COMMD1: variants seen among roughly 807,000 people sequenced by gnomAD.
The protein encoded by COMMD1 is COMM domain-containing protein 1.
COMMD1 carries 10 observed loss-of-function variants against 17.2 expected under a neutral mutation model. The observed-to-expected ratio is 0.58, with a 90% CI of 0.36 to 0.99. The LOEUF (loss-of-function observed/expected upper bound fraction) is 0.99, where lower values mean the gene tolerates loss of function less well. Ranked by LOEUF, COMMD1 falls within the 50% of genes least tolerant of loss-of-function variation. The pLI, the probability that COMMD1 is intolerant of heterozygous loss-of-function variation, is 0.01. For synonymous variants in COMMD1, 97 were observed against 91.6 expected (o/e 1.06, Z -0.34); for missense variants, 270 against 231.8 (o/e 1.17, Z -1.07).
intron 2 of COMMD1, among the ~76,000 whole-genome samples, chr2:62,108,090 C>CA (rs1380466960): frequency 6.6e-6 from 1 of 152,138 alleles, no homozygotes; most frequent in Non-Finnish European, 1.5e-5. Flanking sequence ...TCTTCTCTCC[C>CA]ATCTCTAGCT....
At position 62,016,664 on chromosome 2, in the gene COMMD1, G is replaced by A. The variant is rs571568345; in HGVS notation, c.462+15682G>A. 2.6e-5 allele frequency among the ~76,000 whole-genome samples: 4 copies of A among 152,058 alleles called. No individual in the cohort carries two copies. In the South Asian group the frequency reaches 8.3e-4, roughly 32 times the overall value. ...ATTTGCAAATATTTTCTCCCGGTCT[G>A]GGTTTTCACTCCCCTCCAGATCATA... On this transcript the variant is annotated intron_variant, in intron 2 of 2. Coordinates refer to ENST00000311832, the MANE Select transcript of COMMD1 (RefSeq NM_152516.4).
chr2:61,987,403 C>T (rs940716345), intron 1 of COMMD1, among the ~76,000 whole-genome samples: 2 of 152,092 alleles, frequency 1.3e-5, no homozygotes, highest in African/African-American at 4.8e-5. Flanking sequence ...TAAAGGGCAC[C>T]CCAAGTCCAA....
intron 1 of COMMD1, among the ~76,000 whole-genome samples, chr2:61,943,504 C>T (rs1395632517): frequency 2.0e-5 from 3 of 152,150 alleles, no homozygotes; most frequent in Non-Finnish European, 4.4e-5. Context: ...GTCTCAGTTT[C>T]TCTTTCTGGA....
chr2:61,905,770 C>G lies in COMMD1; in HGVS notation c.92C>G (p.Thr31Arg). 6.2e-7 allele frequency: 1 copy of G among 1,614,176 alleles called. No individual in the cohort carries two copies. Among genetic ancestry groups the G allele is most frequent in the Non-Finnish European group, 8.5e-7 (1 of 1,180,018 alleles). The change falls in exon 1 of 3, where the codon ACA (threonine) becomes AGA (arginine). Residue 31 changes from threonine (T) to arginine (R), a missense_variant. Transcript: ENST00000311832. ...QDTFHGYPGI[T>R]EELLRSQLYP... ...ACTTTCCACGGGTACCCCGGCATCA[C>G]AGAGGAGCTGCTACGGAGCCAGCTA... is the stretch of plus-strand genomic sequence containing the variant.
At chr2:61,995,097 A>ATT (rs1558553201) in intron 1 of COMMD1, among the ~76,000 whole-genome samples, 1 of 26,214 alleles carries the variant, frequency 3.8e-5, no homozygotes, top group African/African-American at 2.6e-4. Context: ...TTCAGCTTAA[A>ATT]ATTTTTTTTT....
chr2:61,938,510 C>T (rs886327597), intron 1 of COMMD1, among the ~76,000 whole-genome samples: 8 of 152,196 alleles, frequency 5.3e-5, no homozygotes, highest in South Asian at 4.1e-4. Context: ...AGGCACTTGA[C>T]CTTTTCCCTT....
chr2:61,929,768 C>G (rs144320511), intron 1 of COMMD1, among the ~76,000 whole-genome samples: 1 of 151,934 alleles, frequency 6.6e-6, no homozygotes, highest in African/African-American at 2.4e-5. Context: ...CTGGTCTTTA[C>G]AAAAAATTAG....
chr2:61,972,095 G>C (rs1027000999), intron 1 of COMMD1, among the ~76,000 whole-genome samples: 2 of 152,062 alleles, frequency 1.3e-5, no homozygotes, highest in African/African-American at 2.4e-5. Context: ...ACGCCAGCCT[G>C]GGTGACAGAA....
At chr2:62,068,893 G>A (rs1333660681) in intron 2 of COMMD1, among the ~76,000 whole-genome samples, 3 of 151,640 alleles carry the variant, frequency 2.0e-5, no homozygotes, top group South Asian at 2.1e-4. Context: ...CACCCGCCTC[G>A]GCCTCCCAAA....
rs573998743 is a variant in COMMD1 at position 62,100,043 on chromosome 2, A to G, written c.463-35788A>G. The G allele has an allele frequency of 3.9e-5, 6 of 152,230 alleles. No homozygotes were observed. The South Asian group carries it at 1.2e-3, about 32-fold the overall frequency. The allele number at this position is 152,230 out of a possible 1,614,324, so 9.4% of individuals were successfully genotyped here. On this transcript the variant is annotated intron_variant, in intron 2 of 2. Coordinates refer to ENST00000311832, the MANE Select transcript of COMMD1 (RefSeq NM_152516.4). ...TTGAGAGAAAAGGCAATGGAGAATG[A>G]CTGTTTTGAATACACCTCTGAAACC...
At chr2:62,039,962 A>G (rs978074164) in intron 2 of COMMD1, among the ~76,000 whole-genome samples, 9 of 152,252 alleles carry the variant, frequency 5.9e-5, no homozygotes, top group Non-Finnish European at 1.0e-4. Context: ...CCATTTGTTA[A>G]GAGTACCGCT....
intron 1 of COMMD1, among the ~76,000 whole-genome samples, chr2:61,931,472 C>T (rs1412491706): frequency 6.6e-6 from 1 of 152,166 alleles, no homozygotes; most frequent in Admixed American, 6.6e-5. Flanking sequence ...TCAGTGGCAG[C>T]CGCCAAAGTT....
intron 2 of COMMD1, among the ~76,000 whole-genome samples, chr2:62,010,677 CTTTTTG>C: frequency 6.6e-6 from 1 of 152,222 alleles, no homozygotes; most frequent in South Asian, 2.1e-4. Flanking sequence ...CAGTTCATAT[CTTTTTG>C]TTTTCTCCTA....
At chr2:61,888,665 C>G (rs570095897), upstream of COMMD1, 7 of 835,224 alleles carry the variant, frequency 8.4e-6, no homozygotes, top group African/African-American at 1.1e-4. Context: ...AGGGGGCCTT[C>G]CTTGCCGCGC....
intron 2 of COMMD1, among the ~76,000 whole-genome samples, chr2:62,131,231 C>A (rs996575588): frequency 1.2e-4 from 19 of 152,180 alleles, no homozygotes; most frequent in Admixed American, 7.2e-4. Context: ...CTGCTGTACT[C>A]CCCAGGATCA....
intron 1 of COMMD1, among the ~76,000 whole-genome samples, chr2:61,925,028 G>T (rs567111353): frequency 1.3e-5 from 2 of 152,154 alleles, no homozygotes; most frequent in African/African-American, 2.4e-5. Flanking sequence ...CAAGGGTTCC[G>T]GGGGCAAGGC....
At chr2:61,911,240 C>T (rs1014785983) in intron 1 of COMMD1, among the ~76,000 whole-genome samples, 24 of 152,066 alleles carry the variant, frequency 1.6e-4, no homozygotes, top group African/African-American at 5.1e-4. Flanking sequence ...TTGGGGAGGC[C>T]AGGGTGGGCG....
At chr2:61,893,842 A>G (rs1274191506) in intron 1 of COMMD1, among the ~76,000 whole-genome samples, 1 of 151,990 alleles carries the variant, frequency 6.6e-6, no homozygotes, top group African/African-American at 2.4e-5. Context: ...AAAAATTGCA[A>G]ATTTGTGGGC....
At position 62,008,972 on chromosome 2, in the gene COMMD1, C is replaced by T. The variant is rs575549943; in HGVS notation, c.462+7990C>T. Reference sequence around the variant, plus strand: ...CTAATTTTTGCATTTTTAGTAGAGACAGCATTTTACCATGTTGGCCAGGCT... The same window carrying T: ...CTAATTTTTGCATTTTTAGTAGAGATAGCATTTTACCATGTTGGCCAGGCT... On this transcript the variant is annotated intron_variant, in intron 2 of 2. Transcript: ENST00000311832. Among the ~76,000 whole-genome samples the T allele has an allele frequency of 2.0e-3, 299 of 152,106 alleles. 1 individual carries two copies. The highest frequency in any genetic ancestry group is 6.7e-3 in the African/African-American group (280 of 41,488).
Sources: allele counts gnomAD v4.1 joint callset (sites outside exome capture counted in the v4.1 genomes callset), GRCh38; gene constraint gnomAD v4.1.1; transcripts MANE v1.5; gene names NCBI Gene and HGNC (gene_info 2026-07-23, HGNC 2026-07-21).